Variants in FANCD2OS observed in about 807,000 individuals in gnomAD.
FANCD2OS encodes FANCD2 opposite strand protein.
Under a neutral mutation model 13.2 loss-of-function variants are expected in FANCD2OS, and 11 were observed. The observed-to-expected ratio is 0.83, with a 90% CI of 0.52 to 1.38. The LOEUF (loss-of-function observed/expected upper bound fraction) is 1.38, where lower values mean the gene tolerates loss of function less well. FANCD2OS is among the 40% of genes most tolerant of loss of function. The pLI, the probability that FANCD2OS is intolerant of heterozygous loss-of-function variation, is 0.00. For missense variants in FANCD2OS, 217 were observed against 213.9 expected, an observed-to-expected ratio of 1.01 and a Z score of -0.09; for synonymous variants, 69 against 84.5, an observed-to-expected ratio of 0.82 and a Z score of 1.01.
chr3:10,085,060 C>G (rs1318701993), intron 2 of FANCD2OS, among the ~76,000 whole-genome samples: 1 of 152,172 alleles, frequency 6.6e-6, no homozygotes, highest in Non-Finnish European at 1.5e-5. Context: ...AATGTCAAGA[C>G]TTGACTCATT....
chr3:10,085,495 G>A lies in FANCD2OS; in HGVS notation c.*44-3964C>T, dbSNP rs540430464. Among the ~76,000 whole-genome samples the A allele has an allele frequency of 1.7e-3, 252 of 151,086 alleles. 1 individual carries two copies. The highest frequency in any genetic ancestry group is 5.8e-3 in the African/African-American group (240 of 41,140). ...CAGCCTCCACCTCCCGAGTTCTAGCGATTCTTCTGCCTCAGCCTCTGGAGT... is the reference window on the plus strand; with the variant it reads ...CAGCCTCCACCTCCCGAGTTCTAGCAATTCTTCTGCCTCAGCCTCTGGAGT... On this transcript the variant is annotated intron_variant, in intron 2 of 2. Transcript: ENST00000524279.
intron 2 of FANCD2OS, chr3:10,081,543 A>AAAAGAAAG: frequency 1.0e-6 from 1 of 986,846 alleles, no homozygotes; most frequent in Non-Finnish European, 1.6e-6. Flanking sequence ...TGAAATGTAG[A>AAAAGAAAG]AAAGAAAGAA....
intron 2 of FANCD2OS, chr3:10,093,227 G>C: frequency 1.5e-6 from 2 of 1,363,884 alleles, no homozygotes; most frequent in South Asian, 1.2e-5. Flanking sequence ...CGGGAAAGAG[G>C]CTGGAGTGCT....
chr3:10,103,813 A>T, downstream of FANCD2OS: 1 of 160,234 alleles, frequency 6.2e-6, no homozygotes, highest in Non-Finnish European at 1.4e-5. Flanking sequence ...TGGTCGGGGG[A>T]GGTTTTAAAG....
intron 2 of FANCD2OS, chr3:10,086,050 C>G (rs1694179376): frequency 1.4e-6 from 1 of 707,620 alleles, no homozygotes; most frequent in Admixed American, 2.0e-5. Flanking sequence ...AGCTACTCTC[C>G]TCATATATGA....
chr3:10,094,256 A>T, intron 2 of FANCD2OS: 2 of 1,533,604 alleles, frequency 1.3e-6, no homozygotes, highest in Non-Finnish European at 1.8e-6. Context: ...GAGATACCTC[A>T]GCTAGAGGTA....
At chr3:10,100,346 G>T (rs562381605), downstream of FANCD2OS, among the ~76,000 whole-genome samples, 2 of 152,226 alleles carry the variant, frequency 1.3e-5, no homozygotes, top group South Asian at 2.1e-4. Flanking sequence ...ACAGAATTTT[G>T]TACTGGATTC....
intron 2 of FANCD2OS, chr3:10,094,469 C>A: frequency 1.1e-6 from 1 of 925,282 alleles, no homozygotes; most frequent in Non-Finnish European, 1.8e-6. Flanking sequence ...CTGGGCTCCT[C>A]TGGTCCACTT....
chr3:10,096,283 A>G (rs1694954094), intron 2 of FANCD2OS: 8 of 1,606,618 alleles, frequency 5.0e-6, no homozygotes, highest in African/African-American at 1.3e-5. Flanking sequence ...TGAAGGCATG[A>G]TGATAAACTC....
intron 2 of FANCD2OS, among the ~76,000 whole-genome samples, chr3:10,084,762 G>C (rs1482733216): frequency 6.6e-6 from 1 of 152,208 alleles, no homozygotes; most frequent in Admixed American, 6.5e-5. Context: ...TAGAGGAGAA[G>C]ATCTAGGACG....
Position 10,081,500 on chromosome 3 carries a change from A to G in FANCD2OS, c.*75T>C, listed in dbSNP as rs751273814. The G allele has an allele frequency of 1.9e-5, 27 of 1,394,478 alleles. No individual in the cohort carries two copies. The Middle Eastern group carries it at 5.3e-4, about 27-fold the overall frequency. The allele number at this position is 1,394,478 out of a possible 1,614,324, so 86.4% of individuals were successfully genotyped here. On this transcript the variant is annotated 3_prime_UTR_variant, in exon 3 of 3. Transcript: ENST00000524279. ...GGGAAGTGTGGAGAGAACTGAGTAT[A>G]TACTTGCTTTTATTTGACAGTCACC... is the stretch of plus-strand genomic sequence containing the variant.
chr3:10,104,497 G>C lies in FANCD2OS; in HGVS notation c.278C>G (p.Pro93Arg), dbSNP rs145515625. ...AGAATCTACTCCACTGAGGCGGATG[G>C]GCTGGGGCTTCCTGACCAGTCCTTT... ...NNKGLVRKPQ[P>R]IRLSGVDSVF... Residue 93 changes from proline to arginine, a missense_variant, in exon 2 of 2, where the codon CCC becomes CGC. By Grantham distance (103) the Pro-to-Arg change is moderately radical (BLOSUM62 -2). Transcript: ENST00000450660. 4.5e-4 allele frequency: 728 copies of C among 1,614,062 alleles called. No homozygotes were observed. Among genetic ancestry groups the C allele is most frequent in the Admixed American group, 6.2e-4 (37 of 60,000 alleles).
At chr3:10,087,494 C>T (rs1181063871) in intron 2 of FANCD2OS, among the ~76,000 whole-genome samples, 1 of 149,478 alleles carries the variant, frequency 6.7e-6, no homozygotes. Flanking sequence ...ATAGTTTTCT[C>T]TTTGGCTTAA....
intron 2 of FANCD2OS, chr3:10,088,423 G>A (rs746223604): frequency 7.1e-7 from 1 of 1,417,030 alleles, no homozygotes; most frequent in South Asian, 1.1e-5. Context: ...CCATATGTAA[G>A]ATTCCTTTGT....
At chr3:10,082,641 A>T (rs1693913833) in intron 2 of FANCD2OS, among the ~76,000 whole-genome samples, 1 of 151,782 alleles carries the variant, frequency 6.6e-6, no homozygotes, top group Admixed American at 6.6e-5. Flanking sequence ...TCCTGCCAGG[A>T]CCCCCACTCT....
intron 2 of FANCD2OS, chr3:10,093,397 T>A (rs1694767564): frequency 2.4e-6 from 3 of 1,268,814 alleles, no homozygotes; most frequent in Non-Finnish European, 3.5e-6. Context: ...TCAGCTGAGA[T>A]AAATTGCTCA....
intron 2 of FANCD2OS, chr3:10,094,222 A>G (rs1694818624): frequency 3.4e-6 from 4 of 1,180,664 alleles, no homozygotes; most frequent in African/African-American, 1.5e-5. Flanking sequence ...GGATGAGACT[A>G]TTCTGCCTCA....
rs1251422584 is a variant in FANCD2OS, at chr3:10,095,126, G to GAT, written c.*43+9070_*43+9071dup. ...AGAGTTTATCCTCTTTGGAGCTTTT[G>GAT]ATTGCAAGGGTATCTTGAATCTAAA... On this transcript the variant is annotated intron_variant, in intron 2 of 2. Transcript: ENST00000524279. 4.7e-6 allele frequency: 6 copies of GAT among 1,285,400 alleles called. No homozygotes were observed. In the African/African-American group the frequency reaches 8.8e-5, roughly 19 times the overall value. 79.6% of individuals were successfully genotyped at this position (1,285,400 alleles called of 1,614,324 possible).
chr3:10,103,192 C>T (rs1020641041), downstream of FANCD2OS: 18 of 348,048 alleles, frequency 5.2e-5, no homozygotes, highest in African/African-American at 1.1e-4. Flanking sequence ...CACCTGAGGT[C>T]GGGAGTTCGA....
Sources: gnomAD v4.1 joint callset for allele counts (sites outside exome capture counted in the v4.1 genomes callset) on GRCh38, gnomAD v4.1.1 for gene constraint, MANE v1.5 for transcripts, NCBI Gene and HGNC (gene_info 2026-07-23, HGNC 2026-07-21) for gene names.